The following RYR2 variants were observed in gnomAD, a reference collection of about 807,000 sequenced individuals.
RYR2 encodes cardiac muscle ryanodine receptor-calcium release channel.
RYR2 carries 227 observed loss-of-function variants against 601.1 expected under a neutral mutation model. That is an observed-to-expected ratio of 0.38 (90% CI 0.34 to 0.42). The LOEUF (loss-of-function observed/expected upper bound fraction) is 0.42. RYR2 is among the 10% of genes least tolerant of loss of function. The pLI, the probability that RYR2 is intolerant of heterozygous loss-of-function variation, is 1.00. For synonymous variants in RYR2, 2,223 were observed against 2,175.1 expected, an observed-to-expected ratio of 1.02 and a Z score of -0.61; for missense variants, 4,646 against 6,156.5, an observed-to-expected ratio of 0.75 and a Z score of 8.21.
intron 1 of RYR2, among the ~76,000 whole-genome samples, chr1:237,100,376 CT>C (rs931921862): frequency 7.0e-6 from 1 of 143,690 alleles, no homozygotes; most frequent in African/African-American, 2.5e-5. Context: ...TCCTCTTCTT[CT>C]TTTTTTTTCT....
intron 2 of RYR2, among the ~76,000 whole-genome samples, chr1:237,277,149 A>G (rs938961033): frequency 1.3e-5 from 2 of 152,228 alleles, no homozygotes; most frequent in Non-Finnish European, 2.9e-5. Flanking sequence ...ATATTAGGAA[A>G]GATAAGGAGA....
chr1:237,124,086 A>G (rs1671129070), intron 1 of RYR2, among the ~76,000 whole-genome samples: 1 of 152,194 alleles, frequency 6.6e-6, no homozygotes. Flanking sequence ...TAGAGTTTCT[A>G]TTTTATAGCT....
intron 14 of RYR2, among the ~76,000 whole-genome samples, chr1:237,452,074 ATTT>A (rs66893159): frequency 0.63 from 76,630 of 121,182 alleles, 21,456 homozygotes; most frequent in East Asian, 0.79. Flanking sequence ...TATATATAAA[ATTT>A]TGTGTGTGTG....
chr1:237,689,845 CT>C (rs537648561), intron 63 of RYR2, among the ~76,000 whole-genome samples: 2,055 of 140,132 alleles, frequency 0.015, 31 homozygotes, highest in African/African-American at 0.038. Flanking sequence ...ATCTTTAAGT[CT>C]TTTTTTTTTT....
intron 25 of RYR2, among the ~76,000 whole-genome samples, chr1:237,532,363 A>C (rs1668217669): frequency 6.6e-6 from 1 of 152,144 alleles, no homozygotes; most frequent in African/African-American, 2.4e-5. Flanking sequence ...CATTGAGTTA[A>C]GTTAACCAAA....
intron 101 of RYR2, among the ~76,000 whole-genome samples, chr1:237,826,844 A>G (rs1480476077): frequency 1.3e-5 from 2 of 152,160 alleles, no homozygotes; most frequent in Non-Finnish European, 2.9e-5. Flanking sequence ...AGCCACAATA[A>G]GTCTAAGGAA....
chr1:237,232,273 C>T (rs1172685600), intron 1 of RYR2, among the ~76,000 whole-genome samples: 3 of 152,134 alleles, frequency 2.0e-5, no homozygotes, highest in Non-Finnish European at 4.4e-5. Context: ...CCCCCAACAC[C>T]CCGGGGAGGG....
chr1:237,116,203 G>T (rs1045380884), intron 1 of RYR2, among the ~76,000 whole-genome samples: 3 of 152,148 alleles, frequency 2.0e-5, no homozygotes, highest in African/African-American at 4.8e-5. Context: ...GAAGGGGAAG[G>T]GGAACCAGGC....
intron 1 of RYR2, among the ~76,000 whole-genome samples, chr1:237,047,389 C>CTT (rs3056166): frequency 0.17 from 21,557 of 123,484 alleles, 2,980 homozygotes; most frequent in Non-Finnish European, 0.26. Context: ...CCTTTCTAGC[C>CTT]TTTTTTTTTT....
At chr1:237,752,389 G>A (rs1692605716) in intron 80 of RYR2, among the ~76,000 whole-genome samples, 1 of 151,686 alleles carries the variant, frequency 6.6e-6, no homozygotes, top group Non-Finnish European at 1.5e-5. Context: ...GGCTCAAGCA[G>A]TCCTCCCACT....
At chr1:237,345,854 G>T (rs1698258782) in intron 3 of RYR2, among the ~76,000 whole-genome samples, 1 of 151,640 alleles carries the variant, frequency 6.6e-6, no homozygotes, top group African/African-American at 2.4e-5. Context: ...CCCCCAAATT[G>T]TTCTTATTCT....
intron 29 of RYR2, among the ~76,000 whole-genome samples, chr1:237,587,991 C>T (rs1248751336): frequency 6.6e-6 from 1 of 152,132 alleles, no homozygotes; most frequent in Non-Finnish European, 1.5e-5. Context: ...TTCAAGCTGT[C>T]TGAGATCTAT....
intron 17 of RYR2, among the ~76,000 whole-genome samples, chr1:237,484,610 C>T (rs774393930): frequency 3.0e-4 from 46 of 152,230 alleles, no homozygotes; most frequent in Non-Finnish European, 6.6e-4. Context: ...CACTCTTGCC[C>T]TGTGGCTTGT....
intron 24 of RYR2, among the ~76,000 whole-genome samples, chr1:237,514,587 A>G (rs1666234262): frequency 6.6e-6 from 1 of 152,218 alleles, no homozygotes; most frequent in Non-Finnish European, 1.5e-5. Flanking sequence ...CCCAATTCCA[A>G]GGGTTTAGAG....
chr1:237,604,366 G>T (rs56293078), intron 35 of RYR2, among the ~76,000 whole-genome samples: 41,843 of 151,704 alleles, frequency 0.28, 6,166 homozygotes, highest in East Asian at 0.6. Flanking sequence ...GATGTTCTTT[G>T]AAACCAACGA....
chr1:237,045,009 T>C (rs1240376168), intron 1 of RYR2, among the ~76,000 whole-genome samples: 1 of 151,676 alleles, frequency 6.6e-6, no homozygotes, highest in Non-Finnish European at 1.5e-5. Context: ...AATCTGTACA[T>C]CTTGATAAAA....
Position 237,705,216 on chromosome 1 carries a change from A to G in RYR2, c.9453A>G (p.Gln3151=). The change falls in exon 67 of 105, where the codon CAA becomes CAG. Residue 3151 remains glutamine (Q), a synonymous_variant. Transcript: ENST00000366574. Reference sequence around the variant, plus strand: ...CATAAGCATTTTCCACTTATAGGCAACGTTCTGCATTAGGAGAATGTCTAG... The same window carrying G: ...CATAAGCATTTTCCACTTATAGGCAGCGTTCTGCATTAGGAGAATGTCTAG... ...GTSKSIYVER[Q]RSALGECLAA... is the part of the protein sequence containing the mutation. The G allele has an allele frequency of 6.2e-7, 1 of 1,607,404 alleles. No individual in the cohort carries two copies. Among genetic ancestry groups the G allele is most frequent in the Non-Finnish European group, 8.5e-7 (1 of 1,176,118 alleles).
chr1:237,236,974 G>C (rs1454640234), intron 1 of RYR2, among the ~76,000 whole-genome samples: 1 of 152,072 alleles, frequency 6.6e-6, no homozygotes, highest in Non-Finnish European at 1.5e-5. Context: ...ATATGTCAAG[G>C]GAGGGACTGG....
Position 237,778,786 on chromosome 1 carries a change from GC to G in RYR2, c.11880+18del, listed in dbSNP as rs775471033. Reference sequence around the variant, plus strand: ...GCTGTCGCAGGTAAACTAACTAACTGCCTTCCTCTCTCTTAAATGACAAACT... The same window carrying G: ...GCTGTCGCAGGTAAACTAACTAACTGCTTCCTCTCTCTTAAATGACAAACT... On this transcript the variant is annotated intron_variant, in intron 88 of 104. Coordinates refer to ENST00000366574, the MANE Select transcript of RYR2 (RefSeq NM_001035.3). The G allele has an allele frequency of 7.7e-7, 1 of 1,293,716 alleles. No homozygotes were observed. The highest frequency in any genetic ancestry group is 1.2e-5 in the South Asian group (1 of 82,422). The allele number at this position is 1,293,716 out of a possible 1,614,324, so 80.1% of individuals were successfully genotyped here. A position where few individuals can be genotyped will look rare whatever the true frequency, so the allele number is the denominator to read the frequency against.
Sources: gnomAD v4.1 joint callset for allele counts (sites outside exome capture counted in the v4.1 genomes callset) on GRCh38, gnomAD v4.1.1 for gene constraint, MANE v1.5 for transcripts, NCBI Gene and HGNC (gene_info 2026-07-23, HGNC 2026-07-21) for gene names.